Variants in CCDC14 observed in about 807,000 individuals in gnomAD.
CCDC14 encodes coiled-coil domain containing 14, also known as coiled-coil domain-containing protein 14.
CCDC14 carries 71 observed loss-of-function variants against 81.4 expected under a neutral mutation model. That is an observed-to-expected ratio of 0.87 (90% CI 0.72 to 1.06). The LOEUF is 1.06. Among genes scored for constraint, CCDC14 ranks in the 50% least tolerant of loss-of-function variants. CCDC14 has a pLI of 0.00. For missense variants in CCDC14, 1,046 were observed against 1,047.3 expected (o/e 1.00, Z 0.02); for synonymous variants, 332 against 364.8 (o/e 0.91, Z 1.03).
downstream of CCDC14, among the ~76,000 whole-genome samples, chr3:123,911,933 G>A (rs1037233421): frequency 6.6e-6 from 1 of 152,150 alleles, no homozygotes; most frequent in Non-Finnish European, 1.5e-5. Flanking sequence ...GTTTCTGAAA[G>A]ATTTACTAAA....
the CCDC14 span, among the ~76,000 whole-genome samples, chr3:123,890,269 C>G: frequency 6.6e-6 from 1 of 152,164 alleles, no homozygotes; most frequent in Admixed American, 6.5e-5. Flanking sequence ...TTATTCTGCC[C>G]CGGCATCTCC....
At chr3:123,939,703 A>G (rs2036249855) in intron 9 of CCDC14, among the ~76,000 whole-genome samples, 2 of 151,734 alleles carry the variant, frequency 1.3e-5, no homozygotes, top group African/African-American at 4.8e-5. Flanking sequence ...TCTACCATGC[A>G]TTCAGTCAAT....
intron 6 of CCDC14, 21 bp from the exon 7 acceptor site, chr3:123,948,806 AAATT>A: frequency 6.3e-7 from 1 of 1,583,094 alleles, no homozygotes; most frequent in Non-Finnish European, 8.6e-7. Context: ...GAGGGAGAAA[AAATT>A]AATCACATAT....
chr3:123,949,488 C>T (rs1401997283), intron 5 of CCDC14: 5 of 199,188 alleles, frequency 2.5e-5, no homozygotes, highest in Non-Finnish European at 4.1e-5. Context: ...AGTTCATGTT[C>T]TCAAGGGAAA....
intron 9 of CCDC14, among the ~76,000 whole-genome samples, chr3:123,942,589 T>C (rs1207488428): frequency 6.6e-6 from 1 of 152,104 alleles, no homozygotes; most frequent in Non-Finnish European, 1.5e-5. Context: ...AACTATTTAA[T>C]TGCTTTCCAG....
chr3:123,908,255 T>C (rs2148766524), intron 5 of CCDC14, among the ~76,000 whole-genome samples: 1 of 152,282 alleles, frequency 6.6e-6, no homozygotes, highest in East Asian at 1.9e-4. Flanking sequence ...CGATCTTTCC[T>C]CTTGGAAAAT....
At chr3:123,904,792 A>T (rs967531947) in intron 5 of CCDC14, among the ~76,000 whole-genome samples, 8 of 152,268 alleles carry the variant, frequency 5.3e-5, no homozygotes, top group South Asian at 4.2e-4. Flanking sequence ...CTCCAAGTTA[A>T]CCTATAAATT....
intron 12 of CCDC14, 59 bp from the exon 13 acceptor site, chr3:123,915,777 T>C (rs1441930266): frequency 1.6e-6 from 2 of 1,237,152 alleles, no homozygotes; most frequent in East Asian, 2.4e-5. Flanking sequence ...TTAATTCACT[T>C]ATCTATACCT....
chr3:123,948,939 A>G lies in CCDC14; in HGVS notation c.546T>C (p.Pro182=), dbSNP rs746343566. The G allele has an allele frequency of 3.1e-6, 5 of 1,613,890 alleles. No individual in the cohort carries two copies. The African/African-American group carries it at 5.3e-5, about 17-fold the overall frequency. ...GGCATGGTACAGCAGGAATTCCATT[A>G]GGGATGTTCTTTGAAGTCAAGTCAT... ...LMNDLTSKNI[P]NGIPAVPCHA... is the part of the protein sequence containing the mutation. The change falls in exon 6 of 13, where the codon CCT becomes CCC. Residue 182 remains proline, a synonymous_variant. Transcript: ENST00000409697.
the CCDC14 span, among the ~76,000 whole-genome samples, chr3:123,886,343 TCTC>T: frequency 2.6e-5 from 4 of 151,124 alleles, no homozygotes; most frequent in Non-Finnish European, 5.9e-5. Flanking sequence ...TCCTTCTCTC[TCTC>T]TTTTTCTTTC....
chr3:123,922,666 T>G (rs1464128342), intron 12 of CCDC14, among the ~76,000 whole-genome samples: 3 of 152,222 alleles, frequency 2.0e-5, no homozygotes, highest in Admixed American at 6.5e-5. Context: ...CATGAAGGAA[T>G]AGAAAGTCTG....
chr3:123,914,214 T>A lies in CCDC14; in HGVS notation c.*565A>T. ...AGAAGCCATATGTTAACTTAGGATG[T>A]TATCTATATATTTTTTAGACCAATC... On this transcript the variant is annotated 3_prime_UTR_variant, in exon 13 of 13. Transcript: ENST00000409697. 5 of 984,582 alleles carry A rather than the reference T, an allele frequency of 5.1e-6. No homozygotes were observed. The highest frequency in any genetic ancestry group is 6.0e-6 in the Non-Finnish European group (5 of 828,788). 61.0% of individuals were successfully genotyped at this position (984,582 alleles called of 1,614,324 possible).
intron 1 of CCDC14, among the ~76,000 whole-genome samples, chr3:123,960,021 A>C (rs2037581126): frequency 6.6e-6 from 1 of 152,204 alleles, no homozygotes; most frequent in Admixed American, 6.5e-5. Context: ...AGGATTAAAA[A>C]GAAAATTATT....
the CCDC14 span, among the ~76,000 whole-genome samples, chr3:123,887,217 T>C: frequency 6.6e-6 from 1 of 152,200 alleles, no homozygotes; most frequent in East Asian, 1.9e-4. Flanking sequence ...ATTTTACAGT[T>C]CTACAATTCT....
chr3:123,886,151 T>TTC, the CCDC14 span, among the ~76,000 whole-genome samples: 139 of 150,282 alleles, frequency 9.2e-4, 2 homozygotes, highest in Non-Finnish European at 4.6e-4. Flanking sequence ...CTTTTTTTTT[T>TTC]TCTCTCTCTC....
At chr3:123,959,164 T>G (rs1032038845) in intron 1 of CCDC14, among the ~76,000 whole-genome samples, 1 of 152,232 alleles carries the variant, frequency 6.6e-6, no homozygotes, top group Non-Finnish European at 1.5e-5. Context: ...TTCCCAGAAG[T>G]AGAATTGCTG....
chr3:123,909,632 C>T (rs1272171137), downstream of CCDC14, among the ~76,000 whole-genome samples: 3 of 152,218 alleles, frequency 2.0e-5, no homozygotes, highest in Non-Finnish European at 4.4e-5. Context: ...CATACATACA[C>T]ATAGACCAAC....
At chr3:123,956,898 T>G (rs1456840569) in intron 1 of CCDC14, 103 bp from the exon 2 acceptor site, 5 of 715,822 alleles carry the variant, frequency 7.0e-6, no homozygotes, top group Non-Finnish European at 1.1e-5. Context: ...TTTATTCATC[T>G]TCTCAAACTG....
At chr3:123,916,180 G>A (rs893015554) in intron 12 of CCDC14, among the ~76,000 whole-genome samples, 1 of 151,834 alleles carries the variant, frequency 6.6e-6, no homozygotes, top group Admixed American at 6.6e-5. Flanking sequence ...TCTATTTTTA[G>A]TAGAGACAGG....
Sources: allele counts gnomAD v4.1 joint callset (sites outside exome capture counted in the v4.1 genomes callset), GRCh38; gene constraint gnomAD v4.1.1; transcripts MANE v1.5; gene names NCBI Gene and HGNC (gene_info 2026-07-23, HGNC 2026-07-21).